CIB3: variants seen among roughly 807,000 people sequenced by gnomAD.
CIB3 encodes the protein calcium and integrin binding family member 3.
A neutral mutation model predicts 23.4 loss-of-function variants in CIB3; 22 were observed. The observed-to-expected ratio is 0.94, with a 90% CI of 0.67 to 1.34. The LOEUF (loss-of-function observed/expected upper bound fraction) is 1.34. Among genes scored for constraint, CIB3 ranks in the 40% most tolerant of loss-of-function variants. The pLI, the probability that CIB3 is intolerant of heterozygous loss-of-function variation, is 0.00. For missense variants in CIB3, 258 were observed against 247.3 expected, an observed-to-expected ratio of 1.04 and a Z score of -0.29; for synonymous variants, 93 against 95.8, an observed-to-expected ratio of 0.97 and a Z score of 0.17.
intron 2 of CIB3, among the ~76,000 whole-genome samples, chr19:16,170,747 G>A (rs1340728810): frequency 2.0e-5 from 3 of 152,088 alleles, no homozygotes; most frequent in Admixed American, 2.0e-4. Context: ...ACTTGAACCT[G>A]GGAGCTGGAG....
At chr19:16,170,845 A>G (rs1272936277) in intron 2 of CIB3, among the ~76,000 whole-genome samples, 1 of 150,810 alleles carries the variant, frequency 6.6e-6, no homozygotes, top group Non-Finnish European at 1.5e-5. Flanking sequence ...GAAAAGAAAA[A>G]AGAAAGAAAG....
At chr19:16,164,008 G>A (rs1028709638) in intron 5 of CIB3, among the ~76,000 whole-genome samples, 4 of 152,132 alleles carry the variant, frequency 2.6e-5, no homozygotes, top group African/African-American at 9.7e-5. Context: ...ATCTCACTCT[G>A]TGACCCAGGC....
chr19:16,169,457 A>G (rs2091318897), intron 3 of CIB3, among the ~76,000 whole-genome samples, 173 bp downstream of exon 3: 1 of 151,940 alleles, frequency 6.6e-6, no homozygotes, highest in African/African-American at 2.4e-5. Flanking sequence ...CTGGGTTTTA[A>G]CCCTGTCTCT....
At chr19:16,162,223 A>T (rs975489761) in intron 5 of CIB3, among the ~76,000 whole-genome samples, 4 of 149,132 alleles carry the variant, frequency 2.7e-5, no homozygotes, top group African/African-American at 1.0e-4. Flanking sequence ...CCTGGGCAAC[A>T]AGGCAAGACC....
chr19:16,171,157 TA>T (rs1232494284), intron 2 of CIB3, among the ~76,000 whole-genome samples: 1 of 122,694 alleles, frequency 8.2e-6, no homozygotes, highest in African/African-American at 3.1e-5. Context: ...AATAAATAAA[TA>T]AAAAATAAAA....
chr19:16,165,296 A>G (rs1251933553), intron 4 of CIB3, among the ~76,000 whole-genome samples: 1 of 149,716 alleles, frequency 6.7e-6, no homozygotes, highest in Non-Finnish European at 1.5e-5. Flanking sequence ...TCCGTCCAAA[A>G]AAAAAAAAAA....
chr19:16,166,875 T>G (rs1396093036), intron 4 of CIB3, among the ~76,000 whole-genome samples: 1 of 151,816 alleles, frequency 6.6e-6, no homozygotes, highest in Non-Finnish European at 1.5e-5. Context: ...AGGTTAGGAG[T>G]TCAAGACCAG....
intron 5 of CIB3, 43 bp from the exon 6 acceptor site, chr19:16,161,529 A>G (rs1249427724): frequency 3.1e-6 from 5 of 1,610,728 alleles, no homozygotes; most frequent in Non-Finnish European, 3.4e-6. Context: ...CAAGGAGTGG[A>G]CAACCCCTTT....
chr19:16,173,073 C>A, intron 2 of CIB3, 89 bp downstream of exon 2: 4 of 1,485,996 alleles, frequency 2.7e-6, no homozygotes, highest in Non-Finnish European at 3.8e-6. Context: ...CACACACACA[C>A]ACACACACAC....
In CIB3 at chr19:16,161,473, G is replaced by C. The variant is rs759091850; in HGVS notation, c.556C>G (p.Arg186Gly). The C allele has an allele frequency of 6.2e-7, 1 of 1,613,790 alleles. No individual in the cohort carries two copies. The highest frequency in any genetic ancestry group is 1.3e-5 in the African/African-American group (1 of 74,870). ...GCTCCTCTGTGGTGCCATCAGATTC[G>C]GATGTGGAAGGTGCTGTGTGCAGAG... is the stretch of plus-strand genomic sequence containing the variant. ...APDFLSTFHI[R>G]I The change falls in exon 6 of 6, where the codon CGA becomes GGA. Residue 186 changes from arginine (R) to glycine (G), a missense_variant. Transcript: ENST00000269878.
intron 5 of CIB3, among the ~76,000 whole-genome samples, chr19:16,163,952 A>T (rs748946054): frequency 4.5e-4 from 69 of 151,842 alleles, no homozygotes; most frequent in Non-Finnish European, 8.5e-4. Flanking sequence ...ATCTTTTTTT[A>T]AATTAAAAAA....
In CIB3 at chr19:16,169,755, GA is replaced by G; in HGVS notation, c.87-15del. 1.9e-6 allele frequency: 3 copies of G among 1,584,876 alleles called. No individual in the cohort carries two copies. The highest frequency in any genetic ancestry group is 2.6e-6 in the Non-Finnish European group (3 of 1,166,596). On this transcript the variant is annotated splice_polypyrimidine_tract_variant and intron_variant, in intron 2 of 5. Transcript: ENST00000269878. ...CGATAGAAGAGCCTGATGTGGGGAG[GA>G]AAAAGCTGGGAAAGACTGGGAGCAG...
chr19:16,169,604 C>T (rs766886911), intron 3 of CIB3, 26 bp downstream of exon 3: 7 of 1,596,580 alleles, frequency 4.4e-6, no homozygotes, highest in African/African-American at 4.0e-5. Context: ...ATTTTTTACC[C>T]TGTTTGTCCC....
chr19:16,165,658 G>C (rs570744613), intron 4 of CIB3, among the ~76,000 whole-genome samples: 7 of 152,186 alleles, frequency 4.6e-5, no homozygotes, highest in African/African-American at 1.4e-4. Context: ...GGCCAGGCTG[G>C]TCTCAAATTC....
In CIB3 at chr19:16,161,602, G is replaced by A; in HGVS notation, c.543-116C>T. 2.7e-6 allele frequency: 3 copies of A among 1,093,012 alleles called. No homozygotes were observed. In the South Asian group the frequency reaches 3.9e-5, roughly 14 times the overall value. The allele number at this position is 1,093,012 out of a possible 1,614,324, so 67.7% of individuals were successfully genotyped here. On this transcript the variant is annotated intron_variant, in intron 5 of 5. Coordinates refer to ENST00000269878, the MANE Select transcript of CIB3 (RefSeq NM_054113.4). ...GGACAGGCAGGAAGGATGCCACATG[G>A]ACCCCTCAAACAACCCTAGGCCGGG...
chr19:16,173,041 TACACACAC>T (rs3076227), intron 2 of CIB3, 113 bp downstream of exon 2: 10,183 of 782,878 alleles, frequency 0.013, 191 homozygotes, highest in African/African-American at 0.1. Flanking sequence ...AAAGACTACT[TACACACAC>T]ACACACACAC....
rs577790099 is a variant in CIB3 at position 16,162,692 on chromosome 19, T to G, written c.543-1206A>C. ...AGTGCTTGAACCTGCGAGGTGGAGGTTGCTGTGAGCCGAGATCGTGCCACT... is the reference window on the plus strand; with the variant it reads ...AGTGCTTGAACCTGCGAGGTGGAGGGTGCTGTGAGCCGAGATCGTGCCACT... On this transcript the variant is annotated intron_variant, in intron 5 of 5. Transcript: ENST00000269878. 1.2e-3 allele frequency among the ~76,000 whole-genome samples: 174 copies of G among 146,586 alleles called. 1 individual carries two copies. Among genetic ancestry groups the G allele is most frequent in the African/African-American group, 4.3e-3 (171 of 39,582 alleles).
At chr19:16,162,826 C>T (rs143375004) in intron 5 of CIB3, among the ~76,000 whole-genome samples, 175 of 151,408 alleles carry the variant, frequency 1.2e-3, no homozygotes, top group African/African-American at 4.0e-3. Flanking sequence ...CACAGTGGCA[C>T]GTACCTGTAG....
intron 5 of CIB3, among the ~76,000 whole-genome samples, 168 bp from the exon 6 acceptor site, chr19:16,161,654 T>A (rs1304492081): frequency 1.3e-5 from 2 of 149,226 alleles, no homozygotes; most frequent in Non-Finnish European, 3.0e-5. Context: ...TGAGAGCACA[T>A]GCCTTTAATT....
Sources: allele counts gnomAD v4.1 joint callset (sites outside exome capture counted in the v4.1 genomes callset), GRCh38; gene constraint gnomAD v4.1.1; transcripts MANE v1.5; gene names NCBI Gene and HGNC (gene_info 2026-07-23, HGNC 2026-07-21).